Variants in USH2A observed in about 807,000 individuals in gnomAD.
USH2A encodes usherin, also known as Usher syndrome 2A (autosomal recessive, mild).
In USH2A, 443 loss-of-function variants were observed where a neutral mutation model predicts 538.9. The ratio of observed to expected loss-of-function variants is 0.82; its 90% CI spans 0.76 to 0.89. USH2A has a LOEUF of 0.89. USH2A is among the 40% of genes least tolerant of loss of function. The pLI, the probability that USH2A is intolerant of heterozygous loss-of-function variation, is 0.00. For synonymous variants in USH2A, 2,413 were observed against 2,273.5 expected (o/e 1.06, Z -1.75); for missense variants, 6,633 against 6,324.8 (o/e 1.05, Z -1.65).
chr1:216,127,303 C>T (rs2033275181), intron 21 of USH2A, among the ~76,000 whole-genome samples: 2 of 152,138 alleles, frequency 1.3e-5, no homozygotes, highest in Non-Finnish European at 1.5e-5. Context: ...GACTGAGATA[C>T]AGAGGAATGG....
At chr1:215,685,693 A>AT (rs11378255) in intron 61 of USH2A, among the ~76,000 whole-genome samples, 110,409 of 150,574 alleles carry the variant, frequency 0.73, 40,823 homozygotes, top group East Asian at 0.9. Context: ...TATTATTATT[A>AT]TTTTTTTACC....
Position 216,323,714 on chromosome 1 carries a change from C to A in USH2A, c.1329-19G>T. On this transcript the variant is annotated intron_variant, in intron 7 of 71. Coordinates refer to ENST00000307340, the MANE Select transcript of USH2A (RefSeq NM_206933.4). ...AGTAAAACTGTTAATGAAAGAAATT[C>A]GATGTCATGAAAATCTATTCACATT... 6.2e-7 allele frequency: 1 copy of A among 1,610,420 alleles called. No individual in the cohort carries two copies. The highest frequency in any genetic ancestry group is 1.3e-5 in the African/African-American group (1 of 74,834).
At chr1:215,964,216 A>T (rs757896613) in intron 37 of USH2A, among the ~76,000 whole-genome samples, 3 of 152,022 alleles carry the variant, frequency 2.0e-5, no homozygotes. Flanking sequence ...GTCCGGCCTA[A>T]ATGTTGCTTC....
intron 62 of USH2A, among the ~76,000 whole-genome samples, chr1:215,675,846 G>C (rs569507521): frequency 4.0e-5 from 6 of 150,686 alleles, no homozygotes; most frequent in Admixed American, 6.6e-5. Context: ...TTTTCAGTTT[G>C]GGAACTACAT....
chr1:215,830,840 T>C (rs1663293469), intron 47 of USH2A, among the ~76,000 whole-genome samples: 1 of 152,136 alleles, frequency 6.6e-6, no homozygotes, highest in African/African-American at 2.4e-5. Flanking sequence ...TTATGCTACT[T>C]TATGAAAAAA....
At chr1:215,737,269 A>G (rs1297736240) in intron 60 of USH2A, among the ~76,000 whole-genome samples, 1 of 152,000 alleles carries the variant, frequency 6.6e-6, no homozygotes, top group Non-Finnish European at 1.5e-5. Context: ...TATTAAAATT[A>G]ATAGTGTTAC....
intron 32 of USH2A, among the ~76,000 whole-genome samples, chr1:216,016,998 A>C (rs1316406696): frequency 6.6e-6 from 1 of 152,114 alleles, no homozygotes; most frequent in Non-Finnish European, 1.5e-5. Context: ...AAAACTCCTT[A>C]GGCTGACAGC....
intron 32 of USH2A, among the ~76,000 whole-genome samples, chr1:216,010,245 C>A (rs6672655): frequency 0.016 from 2,433 of 152,304 alleles, 30 homozygotes; most frequent in Admixed American, 0.04. Context: ...GCGGCCAGGC[C>A]TTCCTCCAGA....
intron 37 of USH2A, among the ~76,000 whole-genome samples, chr1:215,935,090 A>G (rs1236737180): frequency 6.6e-6 from 1 of 152,074 alleles, no homozygotes; most frequent in Non-Finnish European, 1.5e-5. Context: ...TATCAAGCAT[A>G]TAAGTAAAAG....
intron 58 of USH2A, among the ~76,000 whole-genome samples, chr1:215,752,884 T>C (rs1350420130): frequency 6.6e-6 from 1 of 152,064 alleles, no homozygotes; most frequent in Non-Finnish European, 1.5e-5. Flanking sequence ...ACCTACAGAA[T>C]GGAAGAAAAT....
intron 21 of USH2A, among the ~76,000 whole-genome samples, chr1:216,120,765 C>T (rs12755871): frequency 0.35 from 53,291 of 151,476 alleles, 10,295 homozygotes; most frequent in East Asian, 0.73. Flanking sequence ...GCAGGAGAAT[C>T]GCTTGAACCC....
chr1:216,096,620 A>T (rs1017933374), intron 22 of USH2A, among the ~76,000 whole-genome samples: 3 of 152,138 alleles, frequency 2.0e-5, no homozygotes, highest in African/African-American at 7.2e-5. Flanking sequence ...TATCCTTTGC[A>T]GGGGCATGGT....
chr1:215,913,103 T>C (rs1200253320), intron 38 of USH2A, among the ~76,000 whole-genome samples: 1 of 152,158 alleles, frequency 6.6e-6, no homozygotes, highest in Non-Finnish European at 1.5e-5. Flanking sequence ...ACATTTGTGA[T>C]AAAACTGTGC....
At chr1:215,858,062 T>C (rs1263770373) in intron 44 of USH2A, among the ~76,000 whole-genome samples, 1 of 152,170 alleles carries the variant, frequency 6.6e-6, no homozygotes, top group African/African-American at 2.4e-5. Context: ...ATGTGAATGT[T>C]TGAGTTACAG....
At position 216,355,378 on chromosome 1, in the gene USH2A, G is replaced by GAAA. The variant is rs1191084342; in HGVS notation, c.784+9574_784+9575insTTT. 3.5e-3 allele frequency among the ~76,000 whole-genome samples: 400 copies of GAAA among 112,844 alleles called. 12 individuals are homozygous for GAAA. The highest frequency in any genetic ancestry group is 0.011 in the African/African-American group (327 of 29,044). The allele number at this position is 112,844 out of a possible 152,430, so 74.0% of individuals were successfully genotyped here. ...AAGAAAGAAAGAAAGAAAGAAAGAA[G>GAAA]GAAAGAAACATATAGTATACAAGAA... On this transcript the variant is annotated intron_variant, in intron 4 of 71. Transcript: ENST00000307340.
At chr1:216,108,688 G>C (rs552104052) in intron 21 of USH2A, among the ~76,000 whole-genome samples, 1 of 151,660 alleles carries the variant, frequency 6.6e-6, no homozygotes, top group Admixed American at 6.6e-5. Flanking sequence ...ATAATGATAT[G>C]TGTTTAAATT....
rs748137104 is a variant in USH2A at position 215,888,553 on chromosome 1, C to T, written c.8096G>A (p.Arg2699Gln). Residue 2699 changes from arginine to glutamine, a missense_variant, in exon 41 of 72, where the codon CGG becomes CAG. Physicochemically the swap from Arg to Gln is conservative, Grantham distance 43 (BLOSUM62 1). Transcript: ENST00000307340. ...ALSPWTKYEY[R>Q]VLMSTLHGGT... ...TCCATGAAGAGTGCTCATCAGTACCCGATATTCATATTTTGTCCATGGGCT... is the reference window on the plus strand; with the variant it reads ...TCCATGAAGAGTGCTCATCAGTACCTGATATTCATATTTTGTCCATGGGCT... The T allele has an allele frequency of 1.9e-5, 31 of 1,613,950 alleles. No homozygotes were observed. In the Admixed American group the frequency reaches 3.5e-4, roughly 18 times the overall value.
chr1:215,912,628 T>C (rs1665840469), intron 38 of USH2A, among the ~76,000 whole-genome samples: 2 of 151,764 alleles, frequency 1.3e-5, no homozygotes. Context: ...ATTTATCCTT[T>C]GAGTTACGAA....
chr1:216,045,293 A>C (rs1395151722), intron 32 of USH2A, among the ~76,000 whole-genome samples: 3 of 152,170 alleles, frequency 2.0e-5, no homozygotes, highest in Admixed American at 1.3e-4. Flanking sequence ...CTATAAGTAT[A>C]ATACAAATAT....
Sources: allele counts gnomAD v4.1 joint callset (sites outside exome capture counted in the v4.1 genomes callset), GRCh38; gene constraint gnomAD v4.1.1; transcripts MANE v1.5; gene names NCBI Gene and HGNC (gene_info 2026-07-23, HGNC 2026-07-21).